MYRIP: variants seen among roughly 807,000 people sequenced by gnomAD.
MYRIP encodes the protein myosin VIIA and Rab interacting protein.
Under a neutral mutation model 98.0 loss-of-function variants are expected in MYRIP, and 49 were observed. The ratio of observed to expected loss-of-function variants is 0.50; its 90% confidence interval spans 0.40 to 0.63. The LOEUF (loss-of-function observed/expected upper bound fraction) is 0.63. Ranked by LOEUF, MYRIP falls within the 30% of genes least tolerant of loss-of-function variation. The pLI is 0.00. For synonymous variants in MYRIP, 404 were observed against 409.5 expected (o/e 0.99, Z 0.16); for missense variants, 1,004 against 1,058.2 (o/e 0.95, Z 0.71).
intron 3 of MYRIP, among the ~76,000 whole-genome samples, chr3:40,140,533 C>G (rs1364787228): frequency 6.6e-6 from 1 of 152,164 alleles, no homozygotes; most frequent in Non-Finnish European, 1.5e-5. Context: ...GGTGAGGGAC[C>G]TCCACACTGT....
intron 2 of MYRIP, among the ~76,000 whole-genome samples, chr3:39,979,650 C>CAAA (rs1400253573): frequency 1.3e-5 from 1 of 79,032 alleles, no homozygotes; most frequent in Non-Finnish European, 3.0e-5. Context: ...AAAACCAAAA[C>CAAA]AAAACAAAAA....
At chr3:39,896,606 A>G in intron 1 of MYRIP, among the ~76,000 whole-genome samples, 1 of 152,182 alleles carries the variant, frequency 6.6e-6, no homozygotes, top group East Asian at 1.9e-4. Flanking sequence ...ACCTAAACCC[A>G]CCATGGTCAA....
intron 3 of MYRIP, among the ~76,000 whole-genome samples, chr3:40,044,891 A>C (rs1190027985): frequency 6.6e-6 from 1 of 152,190 alleles, no homozygotes; most frequent in Non-Finnish European, 1.5e-5. Flanking sequence ...CGAGGGAAAT[A>C]ACAAGCATGG....
chr3:40,107,497 A>G (rs1481535401), intron 3 of MYRIP, among the ~76,000 whole-genome samples: 2 of 152,200 alleles, frequency 1.3e-5, no homozygotes, highest in African/African-American at 2.4e-5. Flanking sequence ...GAGAGCATAG[A>G]GGGGGCTGAT....
chr3:40,229,638 T>G (rs535697010), intron 11 of MYRIP, among the ~76,000 whole-genome samples: 1 of 152,240 alleles, frequency 6.6e-6, no homozygotes, highest in Non-Finnish European at 1.5e-5. Context: ...TCCTCTGTCC[T>G]TGTGGCTCTG....
At chr3:39,897,826 C>CTT (rs66846258) in intron 1 of MYRIP, among the ~76,000 whole-genome samples, 5 of 134,118 alleles carry the variant, frequency 3.7e-5, no homozygotes, top group South Asian at 2.4e-4. Flanking sequence ...AAGTCCTGAT[C>CTT]TTTTTTTTTT....
At chr3:40,177,742 T>C (rs907762593) in intron 8 of MYRIP, among the ~76,000 whole-genome samples, 4 of 152,182 alleles carry the variant, frequency 2.6e-5, no homozygotes, top group East Asian at 1.9e-4. Flanking sequence ...GGTGCATGCA[T>C]ATAAAAAGGC....
chr3:40,219,179 G>A (rs1044681706), intron 11 of MYRIP, among the ~76,000 whole-genome samples: 1 of 152,070 alleles, frequency 6.6e-6, no homozygotes, highest in Admixed American at 6.6e-5. Context: ...AATTCTCAAT[G>A]GGCAGGAGTT....
At chr3:39,974,405 A>C (rs1016883335) in intron 2 of MYRIP, among the ~76,000 whole-genome samples, 1 of 152,196 alleles carries the variant, frequency 6.6e-6, no homozygotes, top group Non-Finnish European at 1.5e-5. Context: ...TCAGGCAATA[A>C]TTAATAGCTT....
intron 16 of MYRIP, among the ~76,000 whole-genome samples, chr3:40,255,296 G>A (rs1434359495): frequency 6.6e-6 from 1 of 152,136 alleles, no homozygotes; most frequent in East Asian, 1.9e-4. Flanking sequence ...AGGGGGAACA[G>A]GAAGAAACTC....
At chr3:39,846,830 C>T (rs1941978922) in intron 1 of MYRIP, among the ~76,000 whole-genome samples, 1 of 152,144 alleles carries the variant, frequency 6.6e-6, no homozygotes, top group Non-Finnish European at 1.5e-5. Context: ...GCAGTGTGGG[C>T]CAGCAGCTTG....
At chr3:40,107,548 C>T (rs935171249) in intron 3 of MYRIP, among the ~76,000 whole-genome samples, 11 of 152,060 alleles carry the variant, frequency 7.2e-5, no homozygotes, top group Non-Finnish European at 1.2e-4. Context: ...TGGGCTGAAT[C>T]AGATGAGGAG....
intron 8 of MYRIP, among the ~76,000 whole-genome samples, chr3:40,179,111 G>A (rs1950831187): frequency 6.6e-6 from 1 of 152,236 alleles, no homozygotes; most frequent in South Asian, 2.1e-4. Flanking sequence ...CTCTCTGGCT[G>A]AACTAGCTGG....
chr3:39,898,573 A>G (rs1347162751), intron 1 of MYRIP, among the ~76,000 whole-genome samples: 2 of 152,170 alleles, frequency 1.3e-5, no homozygotes, highest in Non-Finnish European at 2.9e-5. Context: ...AAGCATTTAC[A>G]TGATATTAAG....
chr3:40,099,899 A>C, intron 3 of MYRIP: 1 of 793,876 alleles, frequency 1.3e-6, no homozygotes, highest in Middle Eastern at 6.5e-4. Flanking sequence ...GCAGCTTTAA[A>C]TGAGCTTTGG....
chr3:40,066,863 T>C (rs1948136851), intron 3 of MYRIP, among the ~76,000 whole-genome samples: 1 of 152,200 alleles, frequency 6.6e-6, no homozygotes, highest in Non-Finnish European at 1.5e-5. Context: ...TGTCCCTCTA[T>C]ACTACAACAT....
intron 1 of MYRIP, among the ~76,000 whole-genome samples, chr3:39,844,099 G>A (rs1279506534): frequency 1.3e-5 from 2 of 152,138 alleles, no homozygotes; most frequent in Admixed American, 6.5e-5. Context: ...AAATAACATC[G>A]CATTATGCCC....
intron 2 of MYRIP, among the ~76,000 whole-genome samples, chr3:40,004,842 A>G (rs948477408): frequency 6.6e-6 from 1 of 152,122 alleles, no homozygotes; most frequent in African/African-American, 2.4e-5. Flanking sequence ...TTACAAGGGT[A>G]TATTTTGTGA....
intron 1 of MYRIP, among the ~76,000 whole-genome samples, chr3:39,863,472 A>G (rs781503564): frequency 5.3e-4 from 80 of 152,240 alleles, no homozygotes; most frequent in Middle Eastern, 6.8e-3. Context: ...GGACATTACC[A>G]CCAACACCAC....
Sources: gnomAD v4.1 joint callset for allele counts (sites outside exome capture counted in the v4.1 genomes callset) on GRCh38, gnomAD v4.1.1 for gene constraint, MANE v1.5 for transcripts, NCBI Gene and HGNC (gene_info 2026-07-23, HGNC 2026-07-21) for gene names.